LPIN1: variants seen among roughly 807,000 people sequenced by gnomAD.
LPIN1 encodes lipin 1.
In LPIN1, 71 loss-of-function variants were observed where a neutral mutation model predicts 107.5. The observed-to-expected ratio is 0.66, with a 90% CI of 0.55 to 0.80. LPIN1 has a LOEUF of 0.80. Among genes scored for constraint, LPIN1 ranks in the 30% least tolerant of loss-of-function variants. The pLI is 0.00. For synonymous variants in LPIN1, 445 were observed against 452.6 expected (o/e 0.98, Z 0.21); for missense variants, 1,043 against 1,160.6 (o/e 0.90, Z 1.47).
Position 11,815,192 on chromosome 2 carries a change from AG to A in LPIN1, c.2358del (p.Leu788CysfsTer3). Reference protein sequence around the residue: ...WVNERGTVLPQGPLLLSPSSL... With the variant: ...WVNERGTVLPXGPLLLSPSSL... ...AACGAGAGGGGCACGGTGCTGCCCC[AG>A]GGGCCCCTGCTGCTGAGTCCCAGCA... On this transcript the variant is annotated frameshift_variant, in exon 18 of 21. Transcript: ENST00000674199. LOFTEE classifies it high-confidence loss of function. 6.2e-7 allele frequency: 1 copy of A among 1,614,088 alleles called. No homozygotes were observed. Among genetic ancestry groups the A allele is most frequent in the East Asian group, 2.2e-5 (1 of 44,884 alleles).
chr2:11,800,693 G>A (rs4669780), intron 14 of LPIN1, among the ~76,000 whole-genome samples: 55,770 of 152,132 alleles, frequency 0.37, 11,057 homozygotes, highest in East Asian at 0.65. Context: ...AAGGGAGGCA[G>A]GGGCGGGGGA....
intron 18 of LPIN1, chr2:11,819,046 AC>A: frequency 1.0e-4 from 10 of 99,664 alleles, no homozygotes; most frequent in Admixed American, 3.9e-4. Flanking sequence ...ACACACATAC[AC>A]ACACACACAC....
At chr2:11,791,402 A>G (rs185841807) in intron 12 of LPIN1, among the ~76,000 whole-genome samples, 16 of 152,350 alleles carry the variant, frequency 1.1e-4, no homozygotes, top group Admixed American at 3.3e-4. Context: ...TTTCTTTTTA[A>G]TACTCGAGAT....
chr2:11,734,538 C>A (rs1665586894), intron 1 of LPIN1, among the ~76,000 whole-genome samples: 1 of 152,162 alleles, frequency 6.6e-6, no homozygotes, highest in African/African-American at 2.4e-5. Context: ...ATTGCTTTTA[C>A]CCAAGACCCA....
rs1188276622 is a variant in LPIN1 at position 11,815,077 on chromosome 2, A to C, written c.2250-11A>C. On this transcript the variant is annotated splice_polypyrimidine_tract_variant and intron_variant, in intron 17 of 20. Transcript: ENST00000674199. ...TGATGCCATGAAATGTGAATGTTTT[A>C]TGTCTTTCAGGAATGGATATAAATT... The C allele has an allele frequency of 1.2e-6, 2 of 1,613,610 alleles. No individual in the cohort carries two copies. The highest frequency in any genetic ancestry group is 2.7e-5 in the African/African-American group (2 of 74,912).
intron 13 of LPIN1, 160 bp downstream of exon 13, chr2:11,792,166 C>G (rs575577084): frequency 3.0e-6 from 2 of 663,566 alleles, no homozygotes; most frequent in Admixed American, 4.3e-5. Flanking sequence ...GCTCGTGGAA[C>G]GTGGGGAAGG....
intron 1 of LPIN1, among the ~76,000 whole-genome samples, chr2:11,738,385 TAAA>T (rs559141592): frequency 0.039 from 5,217 of 134,314 alleles, 309 homozygotes; most frequent in African/African-American, 0.13. Flanking sequence ...AAGGTATAAT[TAAA>T]AAAAAAAAAA....
At chr2:11,778,677 A>G (rs943617325) in intron 6 of LPIN1, among the ~76,000 whole-genome samples, 4 of 152,258 alleles carry the variant, frequency 2.6e-5, no homozygotes, top group Admixed American at 2.6e-4. Context: ...TGGGAAAATA[A>G]GCAATAATTA....
chr2:11,787,390 T>A (rs1490716138), intron 11 of LPIN1, among the ~76,000 whole-genome samples: 3 of 133,982 alleles, frequency 2.2e-5, no homozygotes, highest in Non-Finnish European at 4.6e-5. Flanking sequence ...TTCTTTTCTT[T>A]TCTTTTTCTT....
At chr2:11,704,383 AG>A (rs1438632039) in intron 1 of LPIN1, among the ~76,000 whole-genome samples, 9 of 152,180 alleles carry the variant, frequency 5.9e-5, no homozygotes, top group Non-Finnish European at 1.3e-4. Context: ...GGCAACTGTG[AG>A]GCCCCACCCG....
intron 1 of LPIN1, among the ~76,000 whole-genome samples, chr2:11,702,236 G>A (rs1662909168): frequency 1.3e-5 from 2 of 152,352 alleles, no homozygotes; most frequent in South Asian, 4.1e-4. Flanking sequence ...TCTGTGGAAA[G>A]GAACAGGTGA....
chr2:11,697,890 G>A lies in LPIN1; in HGVS notation c.82-15866G>A, dbSNP rs1311091364. 6.6e-6 allele frequency among the ~76,000 whole-genome samples: 1 copy of A among 152,150 alleles called. No individual in the cohort carries two copies. The highest frequency in any genetic ancestry group is 1.5e-5 in the Non-Finnish European group (1 of 68,028). ...TGCTCAGAAATGCAGGTTCTCCCGA[G>A]GGGCAGCCCTCAGTCACAAGCCAGA... On this transcript the variant is annotated intron_variant, in intron 1 of 21. Coordinates refer to the LPIN1 transcript ENST00000449576. The surrounding 1 kb of genome is among the most constrained non-coding windows in gnomAD (Gnocchi z 4.6).
chr2:11,758,474 T>C (rs1336343937), intron 1 of LPIN1, among the ~76,000 whole-genome samples: 3 of 152,132 alleles, frequency 2.0e-5, no homozygotes, highest in African/African-American at 7.2e-5. Flanking sequence ...TCTTAATAGA[T>C]GTGAGGTGGT....
intron 2 of LPIN1, among the ~76,000 whole-genome samples, chr2:11,715,516 C>G (rs551365730): frequency 1.3e-5 from 2 of 152,314 alleles, no homozygotes; most frequent in African/African-American, 4.8e-5. Flanking sequence ...TGACATTGAG[C>G]AAGTTACCTG....
intron 2 of LPIN1, among the ~76,000 whole-genome samples, chr2:11,717,754 T>C (rs1663852189): frequency 6.6e-6 from 1 of 152,206 alleles, no homozygotes; most frequent in South Asian, 2.1e-4. Flanking sequence ...CACAACGGCC[T>C]TCTAAGTTGG....
At chr2:11,747,850 TTG>T (rs1259692832) in intron 1 of LPIN1, among the ~76,000 whole-genome samples, 1 of 152,082 alleles carries the variant, frequency 6.6e-6, no homozygotes, top group Non-Finnish European at 1.5e-5. Flanking sequence ...TGTGCATGGG[TTG>T]TGTGTTTTGG....
Position 11,791,897 on chromosome 2 carries a change from C to G in LPIN1, c.1714-17C>G, listed in dbSNP as rs1675812042. 6.2e-7 allele frequency: 1 copy of G among 1,611,506 alleles called. No individual in the cohort carries two copies. Among genetic ancestry groups the G allele is most frequent in the African/African-American group, 1.3e-5 (1 of 74,740 alleles). ...TTTTTTTGTTCCATTATTTATGTTA[C>G]CATCCATTTAAAACAGGCCACTGTG... is the stretch of plus-strand genomic sequence containing the variant. On this transcript the variant is annotated splice_polypyrimidine_tract_variant and intron_variant, in intron 12 of 20. Coordinates refer to ENST00000674199, the MANE Select transcript of LPIN1 (RefSeq NM_001349206.2).
intron 17 of LPIN1, among the ~76,000 whole-genome samples, chr2:11,814,760 AG>A (rs1481068930): frequency 6.6e-6 from 1 of 152,116 alleles, no homozygotes; most frequent in African/African-American, 2.4e-5. Context: ...GGGGAGTACA[AG>A]GGGCTCAAGC....
At chr2:11,696,690 T>C (rs1662599543) in intron 1 of LPIN1, among the ~76,000 whole-genome samples, 1 of 152,158 alleles carries the variant, frequency 6.6e-6, no homozygotes, top group African/African-American at 2.4e-5. Context: ...GGTGACTGCC[T>C]ACATGGTGAT....
Sources: gnomAD v4.1 joint callset for allele counts (sites outside exome capture counted in the v4.1 genomes callset) on GRCh38, gnomAD v4.1.1 for gene constraint, Gnocchi (gnomAD v3.1) non-coding constraint, MANE v1.5 for transcripts, NCBI Gene and HGNC (gene_info 2026-07-23, HGNC 2026-07-21) for gene names.